RNF144B: variants seen among roughly 807,000 people sequenced by gnomAD.
RNF144B encodes the protein ring finger protein 144B.
A neutral mutation model predicts 40.2 loss-of-function variants in RNF144B; 25 were observed. The ratio of observed to expected loss-of-function variants is 0.62; its 90% CI spans 0.45 to 0.87. The LOEUF (loss-of-function observed/expected upper bound fraction) is 0.87, where lower values mean the gene tolerates loss of function less well. Ranked by LOEUF, RNF144B falls within the 40% of genes least tolerant of loss-of-function variation. The pLI is 0.00. For missense variants in RNF144B, 365 were observed against 373.7 expected, an observed-to-expected ratio of 0.98 and a Z score of 0.19; for synonymous variants, 145 against 136.3, an observed-to-expected ratio of 1.06 and a Z score of -0.44.
At chr6:18,430,874 C>A (rs1172582324) in intron 3 of RNF144B, among the ~76,000 whole-genome samples, 2 of 152,100 alleles carry the variant, frequency 1.3e-5, no homozygotes, top group African/African-American at 4.8e-5. Flanking sequence ...TTCTGGTTCT[C>A]TTTATCCAGT....
At chr6:18,423,133 C>T (rs1249455300) in intron 2 of RNF144B, among the ~76,000 whole-genome samples, 3 of 152,134 alleles carry the variant, frequency 2.0e-5, no homozygotes, top group South Asian at 2.1e-4. Flanking sequence ...TTATACTTTA[C>T]GTTTGCATAC....
rs961579659 is a variant in RNF144B at position 18,456,119 on chromosome 6, T to A, written c.332-1036T>A. 6.6e-6 allele frequency among the ~76,000 whole-genome samples: 1 copy of A among 152,190 alleles called. No individual in the cohort carries two copies. Among genetic ancestry groups the A allele is most frequent in the Non-Finnish European group, 1.5e-5 (1 of 68,030 alleles). ...TTGTATTTTTAGTAGAGATGGTGTT[T>A]CACCCTGTTAGCCAGGATGGTCTTG... On this transcript the variant is annotated intron_variant, in intron 4 of 7. Coordinates refer to ENST00000259939, the MANE Select transcript of RNF144B (RefSeq NM_182757.4). This position sits in a 1 kb window ranked among gnomAD's most constrained non-coding sequence, Gnocchi z 4.7.
At chr6:18,437,364 G>A (rs1399204359) in intron 3 of RNF144B, among the ~76,000 whole-genome samples, 2 of 152,004 alleles carry the variant, frequency 1.3e-5, no homozygotes, top group Non-Finnish European at 2.9e-5. Context: ...GCTTGAGCCC[G>A]GGAGTTTAAG....
In RNF144B at chr6:18,460,579, C is replaced by T. The variant is rs992920469; in HGVS notation, c.681+828C>T. Reference sequence around the variant, plus strand: ...GAAAAATGGTTCAAATCAATGGTGTCTCCTAACTCTCTTCTCTCCCTCATG... The same window carrying T: ...GAAAAATGGTTCAAATCAATGGTGTTTCCTAACTCTCTTCTCTCCCTCATG... On this transcript the variant is annotated intron_variant, in intron 6 of 7. Coordinates refer to ENST00000259939, the MANE Select transcript of RNF144B (RefSeq NM_182757.4). The surrounding 1 kb of genome is among the most constrained non-coding windows in gnomAD (Gnocchi z 4.4). 1.3e-5 allele frequency among the ~76,000 whole-genome samples: 2 copies of T among 152,130 alleles called. No individual in the cohort carries two copies. Among genetic ancestry groups the T allele is most frequent in the Non-Finnish European group, 2.9e-5 (2 of 68,030 alleles).
At position 18,459,828 on chromosome 6, in the gene RNF144B, C is replaced by T. The variant is rs181967648; in HGVS notation, c.681+77C>T. ...CACAGCTGATATCCTACAGATTTTCCTTTAAAATATTGGGGCAATTTTTGT... is the reference window on the plus strand; with the variant it reads ...CACAGCTGATATCCTACAGATTTTCTTTTAAAATATTGGGGCAATTTTTGT... On this transcript the variant is annotated intron_variant, in intron 6 of 7. Coordinates refer to ENST00000259939, the MANE Select transcript of RNF144B (RefSeq NM_182757.4). The surrounding 1 kb of genome is among the most constrained non-coding windows in gnomAD (Gnocchi z 4.2). 3 of 1,385,214 alleles carry T rather than the reference C, an allele frequency of 2.2e-6. No individual in the cohort carries two copies. The East Asian group carries it at 7.3e-5, about 34-fold the overall frequency. 85.8% of individuals were successfully genotyped at this position (1,385,214 alleles called of 1,614,324 possible).
intron 1 of RNF144B, among the ~76,000 whole-genome samples, chr6:18,391,100 G>T (rs1357066964): frequency 1.3e-5 from 2 of 152,158 alleles, no homozygotes; most frequent in Non-Finnish European, 2.9e-5. Flanking sequence ...AAAAATTTTT[G>T]ATTTAGATAT....
At chr6:18,454,867 C>T (rs1382462012) in intron 4 of RNF144B, among the ~76,000 whole-genome samples, 6 of 152,178 alleles carry the variant, frequency 3.9e-5, no homozygotes, top group Admixed American at 2.6e-4. Context: ...CAAATTGCAT[C>T]CTTGTATCTT....
chr6:18,399,839 C>G (rs944316507), intron 2 of RNF144B, 140 bp downstream of exon 2: 2 of 661,662 alleles, frequency 3.0e-6, no homozygotes, highest in African/African-American at 3.7e-5. Context: ...ATATTTGAAC[C>G]TATTTCCAAA....
intron 1 of RNF144B, among the ~76,000 whole-genome samples, chr6:18,388,984 A>G (rs1476490580): frequency 6.6e-6 from 1 of 152,100 alleles, no homozygotes; most frequent in Non-Finnish European, 1.5e-5. Flanking sequence ...TTTTATTTAA[A>G]ACAAACAAAA....
At position 18,468,819 on chromosome 6, in the gene RNF144B, A is replaced by G. The variant is rs1425659679; in HGVS notation, c.*3752A>G. 2 of 152,182 alleles carry G rather than the reference A, an allele frequency of 1.3e-5. No individual in the cohort carries two copies. Among genetic ancestry groups the G allele is most frequent in the Non-Finnish European group, 2.9e-5 (2 of 68,034 alleles). 9.4% of individuals were successfully genotyped at this position (152,182 alleles called of 1,614,324 possible). A position where few individuals can be genotyped will look rare whatever the true frequency, so the allele number is the denominator to read the frequency against. On this transcript the variant is annotated 3_prime_UTR_variant, in exon 8 of 8. Transcript: ENST00000259939. ...CGTGTTATATTTTTCCAATTTTTGG[A>G]GAAGAAAATAGCTGTTTAGGCTCTC... is the stretch of plus-strand genomic sequence containing the variant.
At chr6:18,389,342 A>C (rs1013915099) in intron 1 of RNF144B, among the ~76,000 whole-genome samples, 1 of 152,184 alleles carries the variant, frequency 6.6e-6, no homozygotes, top group Admixed American at 6.5e-5. Flanking sequence ...CAGAGAGAAG[A>C]GTATGCTCTC....
At position 18,443,914 on chromosome 6, in the gene RNF144B, A is replaced by T. The variant is rs1216365400; in HGVS notation, c.331+4170A>T. Among the ~76,000 whole-genome samples, 1 of 152,226 alleles carries T rather than the reference A, an allele frequency of 6.6e-6. No individual in the cohort carries two copies. The highest frequency in any genetic ancestry group is 2.4e-5 in the African/African-American group (1 of 41,462). ...GTTAAATGACTAACCAACTGAAAGAAAATCTCATTGGCTGGACTGTGAGAC... is the reference window on the plus strand; with the variant it reads ...GTTAAATGACTAACCAACTGAAAGATAATCTCATTGGCTGGACTGTGAGAC... On this transcript the variant is annotated intron_variant, in intron 4 of 7. Transcript: ENST00000259939. The surrounding 1 kb of genome is among the most constrained non-coding windows in gnomAD (Gnocchi z 4.7).
chr6:18,439,677 G>T lies in RNF144B; in HGVS notation c.271-7G>T, dbSNP rs907339285. On this transcript the variant is annotated splice_region_variant and splice_polypyrimidine_tract_variant and intron_variant, in intron 3 of 7. Transcript: ENST00000259939. The stretch of plus-strand genomic sequence containing the variant: ...GAAGTCTCAACCTTTTATGTCTCTG[G>T]TTTCAGATTGCCTGTTTGGTACCTG... 1.9e-6 allele frequency: 3 copies of T among 1,609,644 alleles called. No individual in the cohort carries two copies. The South Asian group carries it at 3.3e-5, about 18-fold the overall frequency.
intron 6 of RNF144B, 116 bp from the exon 7 acceptor site, chr6:18,463,175 G>T: frequency 1.5e-6 from 1 of 658,866 alleles, no homozygotes; most frequent in Non-Finnish European, 2.8e-6. Context: ...CCTAGAGGGG[G>T]TCACTGATAT....
At chr6:18,435,591 T>C (rs1272897685) in intron 3 of RNF144B, among the ~76,000 whole-genome samples, 1 of 152,198 alleles carries the variant, frequency 6.6e-6, no homozygotes, top group Non-Finnish European at 1.5e-5. Context: ...TTTTGCGTAG[T>C]TTCAGAATAT....
chr6:18,451,663 A>C (rs540088356), intron 4 of RNF144B, among the ~76,000 whole-genome samples: 1 of 152,356 alleles, frequency 6.6e-6, no homozygotes, highest in African/African-American at 2.4e-5. Context: ...AGAGCAGTTT[A>C]TTAATGTGTT....
rs1794726148 is a variant in RNF144B, at chr6:18,398,048, G to C, written c.-36-1451G>C. Reference sequence around the variant, plus strand: ...CATGTCAGTCCAGGAGTTCGAGGCTGCAGTGAGCTATGATTGTGCCACCAC... The same window carrying C: ...CATGTCAGTCCAGGAGTTCGAGGCTCCAGTGAGCTATGATTGTGCCACCAC... On this transcript the variant is annotated intron_variant, in intron 1 of 7. Transcript: ENST00000259939. The surrounding 1 kb of genome is among the most constrained non-coding windows in gnomAD (Gnocchi z 5.0). Among the ~76,000 whole-genome samples, 2 of 152,028 alleles carry C rather than the reference G, an allele frequency of 1.3e-5. No individual in the cohort carries two copies. The highest frequency in any genetic ancestry group is 2.9e-5 in the Non-Finnish European group (2 of 68,024).
chr6:18,397,711 T>C (rs913238137), intron 1 of RNF144B, among the ~76,000 whole-genome samples: 2 of 152,080 alleles, frequency 1.3e-5, no homozygotes, highest in Non-Finnish European at 2.9e-5. Context: ...ACTTCAACTC[T>C]CTTTTCCTCT....
chr6:18,415,228 C>G (rs544635552), intron 2 of RNF144B, among the ~76,000 whole-genome samples: 2 of 152,162 alleles, frequency 1.3e-5, no homozygotes, highest in African/African-American at 4.8e-5. Context: ...TACCAACTAT[C>G]TCTTAGATTG....
Sources: allele counts gnomAD v4.1 joint callset (sites outside exome capture counted in the v4.1 genomes callset), GRCh38; gene constraint gnomAD v4.1.1; non-coding constraint Gnocchi (gnomAD v3.1); transcripts MANE v1.5; gene names NCBI Gene and HGNC (gene_info 2026-07-23, HGNC 2026-07-21).